The following PARD3 variants were observed in gnomAD, a reference collection of about 807,000 sequenced individuals.
The protein encoded by PARD3 is partitioning defective 3 homolog.
In PARD3, 75 loss-of-function variants were observed where a neutral mutation model predicts 155.4. The ratio of observed to expected loss-of-function variants is 0.48; its 90% confidence interval spans 0.40 to 0.58. The LOEUF (loss-of-function observed/expected upper bound fraction) is 0.58. PARD3 is among the 20% of genes least tolerant of loss of function. The pLI is 0.00. For missense variants in PARD3, 1,642 were observed against 1,721.7 expected (o/e 0.95, Z 0.82); for synonymous variants, 576 against 610.5 (o/e 0.94, Z 0.83).
At chr10:34,754,202 T>C (rs1362677014) in intron 1 of PARD3, among the ~76,000 whole-genome samples, 1 of 152,126 alleles carries the variant, frequency 6.6e-6, no homozygotes, top group Non-Finnish European at 1.5e-5. Flanking sequence ...GATGGGATCT[T>C]GCTATGTTAT....
intron 2 of PARD3, among the ~76,000 whole-genome samples, chr10:34,531,987 G>A (rs2082890170): frequency 6.6e-6 from 1 of 151,290 alleles, no homozygotes; most frequent in Non-Finnish European, 1.5e-5. Flanking sequence ...CTCACTGCAA[G>A]TAACAACAGG....
At chr10:34,543,893 C>A (rs2083838584) in intron 2 of PARD3, among the ~76,000 whole-genome samples, 1 of 152,118 alleles carries the variant, frequency 6.6e-6, no homozygotes, top group Non-Finnish European at 1.5e-5. Flanking sequence ...GGAAAGAGCA[C>A]TAAATTAAGT....
intron 4 of PARD3, among the ~76,000 whole-genome samples, chr10:34,467,067 A>G (rs1411755035): frequency 6.6e-6 from 1 of 152,120 alleles, no homozygotes; most frequent in Non-Finnish European, 1.5e-5. Flanking sequence ...ATGGAAGTAA[A>G]AAGATTGCTG....
intron 23 of PARD3, among the ~76,000 whole-genome samples, chr10:34,121,754 T>A (rs1947017370): frequency 6.6e-6 from 1 of 152,216 alleles, no homozygotes; most frequent in East Asian, 1.9e-4. Flanking sequence ...AATATCCCGA[T>A]ACAAAAATAA....
intron 19 of PARD3, among the ~76,000 whole-genome samples, chr10:34,328,143 T>C (rs1412196108): frequency 3.3e-5 from 5 of 152,182 alleles, no homozygotes; most frequent in Non-Finnish European, 7.3e-5. Flanking sequence ...ACACCACATT[T>C]GATAGACAAT....
chr10:34,776,762 T>C (rs568262782), intron 1 of PARD3, among the ~76,000 whole-genome samples: 49 of 145,200 alleles, frequency 3.4e-4, no homozygotes, highest in African/African-American at 1.2e-3. Flanking sequence ...AATTCCACCA[T>C]TGGTGGAAAA....
chr10:34,324,894 C>T (rs933142651), intron 19 of PARD3, among the ~76,000 whole-genome samples: 3 of 152,162 alleles, frequency 2.0e-5, no homozygotes, highest in Non-Finnish European at 2.9e-5. Flanking sequence ...GAAATTAGCT[C>T]CTTGCCCTGA....
chr10:34,659,499 C>G (rs1263688699), intron 2 of PARD3, among the ~76,000 whole-genome samples: 1 of 151,978 alleles, frequency 6.6e-6, no homozygotes, highest in African/African-American at 2.4e-5. Flanking sequence ...TTGTAGCACC[C>G]AGAGGCCATT....
intron 22 of PARD3, among the ~76,000 whole-genome samples, chr10:34,228,619 AC>A (rs1281796484): frequency 6.6e-6 from 1 of 152,106 alleles, no homozygotes. Flanking sequence ...AGACTTGTAC[AC>A]TTTAAACGGG....
chr10:34,251,929 T>C (rs1225092024), intron 22 of PARD3, among the ~76,000 whole-genome samples: 1 of 152,108 alleles, frequency 6.6e-6, no homozygotes, highest in East Asian at 1.9e-4. Context: ...GTCTGTGTGG[T>C]AGAACTTGGA....
chr10:34,158,162 T>C (rs2133024768), intron 22 of PARD3, among the ~76,000 whole-genome samples: 1 of 152,238 alleles, frequency 6.6e-6, no homozygotes, highest in Non-Finnish European at 1.5e-5. Context: ...GAGGATCTCT[T>C]GAAGCCCAGA....
chr10:34,502,489 G>A (rs1027992174), intron 3 of PARD3, among the ~76,000 whole-genome samples: 1 of 152,154 alleles, frequency 6.6e-6, no homozygotes, highest in African/African-American at 2.4e-5. Context: ...ACTCTGACAT[G>A]CAGGACTGTA....
intron 22 of PARD3, among the ~76,000 whole-genome samples, chr10:34,209,694 G>A (rs1175722317): frequency 6.6e-6 from 1 of 152,178 alleles, no homozygotes. Context: ...TACATATTCT[G>A]TGTACTGTAA....
chr10:34,682,665 T>G (rs1002708356), intron 2 of PARD3, among the ~76,000 whole-genome samples: 2 of 152,134 alleles, frequency 1.3e-5, no homozygotes, highest in African/African-American at 4.8e-5. Flanking sequence ...GAGGCTGCAC[T>G]GAGCTAGGAT....
At chr10:34,332,158 C>G (rs761657421) in intron 18 of PARD3, among the ~76,000 whole-genome samples, 13 of 152,000 alleles carry the variant, frequency 8.6e-5, no homozygotes, top group Non-Finnish European at 1.6e-4. Flanking sequence ...GGACAAATTC[C>G]GGGAATTAAA....
At chr10:34,142,372 T>C (rs1203269562) in intron 22 of PARD3, among the ~76,000 whole-genome samples, 2 of 150,424 alleles carry the variant, frequency 1.3e-5, no homozygotes, top group Admixed American at 1.3e-4. Context: ...CAAGACCCCA[T>C]CTCTAAAAAA....
intron 22 of PARD3, among the ~76,000 whole-genome samples, chr10:34,242,913 C>T: frequency 6.6e-6 from 1 of 152,138 alleles, no homozygotes; most frequent in East Asian, 1.9e-4. Flanking sequence ...CCAACCTGGG[C>T]AACAGACCAA....
intron 2 of PARD3, among the ~76,000 whole-genome samples, chr10:34,687,217 A>G (rs1340857970): frequency 1.3e-5 from 2 of 152,096 alleles, no homozygotes; most frequent in Non-Finnish European, 2.9e-5. Flanking sequence ...TGGGGCAGTA[A>G]TTTTATTACC....
intron 2 of PARD3, among the ~76,000 whole-genome samples, chr10:34,602,855 T>A (rs1161113970): frequency 6.6e-6 from 1 of 152,198 alleles, no homozygotes; most frequent in Non-Finnish European, 1.5e-5. Context: ...TCTTGAATTT[T>A]TTTTAAAGGC....
Sources: allele counts gnomAD v4.1 joint callset (sites outside exome capture counted in the v4.1 genomes callset), GRCh38; gene constraint gnomAD v4.1.1; transcripts MANE v1.5; gene names NCBI Gene and HGNC (gene_info 2026-07-23, HGNC 2026-07-21).